DCC: variants seen among roughly 807,000 people sequenced by gnomAD.
DCC encodes netrin receptor DCC.
Under a neutral mutation model 172.5 loss-of-function variants are expected in DCC, and 58 were observed. That is an observed-to-expected ratio of 0.34 (90% confidence interval 0.27 to 0.42). The LOEUF (loss-of-function observed/expected upper bound fraction) is 0.42. DCC is among the 10% of genes least tolerant of loss of function. The pLI, the probability that DCC is intolerant of heterozygous loss-of-function variation, is 1.00. For synonymous variants in DCC, 709 were observed against 644.5 expected (o/e 1.10, Z -1.52); for missense variants, 1,740 against 1,791.0 (o/e 0.97, Z 0.51).
intron 9 of DCC, among the ~76,000 whole-genome samples, chr18:53,195,217 A>G (rs1458411974): frequency 6.6e-6 from 1 of 152,202 alleles, no homozygotes; most frequent in African/African-American, 2.4e-5. Flanking sequence ...AAAAAGCACT[A>G]GTTATCTTAG....
intron 1 of DCC, among the ~76,000 whole-genome samples, chr18:52,408,138 T>C (rs1203505116): frequency 1.3e-5 from 2 of 152,078 alleles, no homozygotes; most frequent in Non-Finnish European, 2.9e-5. Context: ...AAAAACTTCT[T>C]GGGACTTACT....
chr18:52,727,218 C>A (rs2036565166), intron 1 of DCC, among the ~76,000 whole-genome samples: 1 of 152,146 alleles, frequency 6.6e-6, no homozygotes, highest in African/African-American at 2.4e-5. Context: ...CAGGTGATGT[C>A]TTTCAGCCAT....
At chr18:53,485,653 A>C (rs2045892001) in intron 25 of DCC, among the ~76,000 whole-genome samples, 1 of 152,078 alleles carries the variant, frequency 6.6e-6, no homozygotes. Flanking sequence ...TGAAAAATAA[A>C]TTCTGGTATA....
At chr18:52,838,583 T>A (rs543922048) in intron 2 of DCC, among the ~76,000 whole-genome samples, 1 of 152,116 alleles carries the variant, frequency 6.6e-6, no homozygotes, top group Admixed American at 6.5e-5. Context: ...TTTTAAATCA[T>A]CAAGTAATAA....
At chr18:52,521,917 A>T (rs1284497212) in intron 1 of DCC, among the ~76,000 whole-genome samples, 1 of 152,170 alleles carries the variant, frequency 6.6e-6, no homozygotes, top group Non-Finnish European at 1.5e-5. Flanking sequence ...ATTTGTTGGA[A>T]GGATTAATGA....
intron 26 of DCC, among the ~76,000 whole-genome samples, chr18:53,489,021 T>C (rs1279963413): frequency 2.0e-5 from 3 of 150,906 alleles, no homozygotes; most frequent in African/African-American, 7.3e-5. Context: ...TTGCTGGGCA[T>C]GGTGGCATGC....
Position 52,497,280 on chromosome 18 carries a change from A to AT in DCC, c.91+156402_91+156403insT, listed in dbSNP as rs1307784228. On this transcript the variant is annotated intron_variant, in intron 1 of 28. Transcript: ENST00000442544. ...TGTATCAAAAAAAAAAAAAAAAAAA[A>AT]ATATATATATATATATATATATATA... is the stretch of plus-strand genomic sequence containing the variant. 8.3e-4 allele frequency among the ~76,000 whole-genome samples: 18 copies of AT among 21,570 alleles called. 2 individuals are homozygous for AT. The highest frequency in any genetic ancestry group is 2.4e-3 in the African/African-American group (18 of 7,392). 14.2% of individuals were successfully genotyped at this position (21,570 alleles called of 152,430 possible). A position where few individuals can be genotyped will look rare whatever the true frequency, so the allele number is the denominator to read the frequency against.
At chr18:53,104,633 T>G (rs1233675023) in intron 7 of DCC, among the ~76,000 whole-genome samples, 1 of 152,074 alleles carries the variant, frequency 6.6e-6, no homozygotes, top group Non-Finnish European at 1.5e-5. Context: ...TGCAATTGTT[T>G]ATCACTGGAA....
chr18:52,714,360 T>G (rs1568058921), intron 1 of DCC, among the ~76,000 whole-genome samples: 1 of 152,196 alleles, frequency 6.6e-6, no homozygotes, highest in African/African-American at 2.4e-5. Flanking sequence ...AATGATCATA[T>G]AAAACTCAGC....
intron 1 of DCC, among the ~76,000 whole-genome samples, chr18:52,714,124 C>T (rs530320822): frequency 8.5e-5 from 13 of 152,258 alleles, no homozygotes; most frequent in African/African-American, 3.1e-4. Flanking sequence ...CTATCGCTAA[C>T]CTACTTACCA....
At chr18:53,119,365 C>G (rs886735184) in intron 7 of DCC, among the ~76,000 whole-genome samples, 4 of 151,720 alleles carry the variant, frequency 2.6e-5, no homozygotes, top group African/African-American at 9.7e-5. Context: ...TGTACTTAGC[C>G]TCCCTCAGAA....
chr18:53,171,285 C>A (rs895798789), intron 8 of DCC, among the ~76,000 whole-genome samples: 5 of 152,078 alleles, frequency 3.3e-5, no homozygotes, highest in African/African-American at 1.2e-4. Flanking sequence ...GGTTTAAAAC[C>A]ACTACGAGCC....
intron 1 of DCC, among the ~76,000 whole-genome samples, chr18:52,739,108 A>G (rs1301541162): frequency 6.6e-6 from 1 of 151,408 alleles, no homozygotes; most frequent in Non-Finnish European, 1.5e-5. Flanking sequence ...CTACTACATT[A>G]CAATGGCTGT....
intron 1 of DCC, among the ~76,000 whole-genome samples, chr18:52,731,718 T>C (rs2036645478): frequency 6.6e-6 from 1 of 152,172 alleles, no homozygotes; most frequent in Non-Finnish European, 1.5e-5. Flanking sequence ...TCTACCACAA[T>C]TATATGCATA....
At chr18:53,061,265 T>G (rs1357786062) in intron 5 of DCC, among the ~76,000 whole-genome samples, 3 of 152,056 alleles carry the variant, frequency 2.0e-5, no homozygotes, top group East Asian at 1.9e-4. Flanking sequence ...CAATATAAAT[T>G]TGGTGTTCTC....
At position 53,312,968 on chromosome 18, in the gene DCC, G is replaced by A. The variant is rs1282319996; in HGVS notation, c.2053+7249G>A. Among the ~76,000 whole-genome samples, 6 of 130,746 alleles carry A rather than the reference G, an allele frequency of 4.6e-5. No individual in the cohort carries two copies. The East Asian group carries it at 1.4e-3, about 30-fold the overall frequency. The allele number at this position is 130,746 out of a possible 152,430, so 85.8% of individuals were successfully genotyped here. A position where few individuals can be genotyped will look rare whatever the true frequency, so the allele number is the denominator to read the frequency against. ...AGGGGAGGGAAGGGAGGAGGGAGTGGGGAGAGGAAGGGAGGAGGGAGGGAG... is the reference window on the plus strand; with the variant it reads ...AGGGGAGGGAAGGGAGGAGGGAGTGAGGAGAGGAAGGGAGGAGGGAGGGAG... On this transcript the variant is annotated intron_variant, in intron 13 of 28. Coordinates refer to ENST00000442544, the MANE Select transcript of DCC (RefSeq NM_005215.4).
intron 15 of DCC, among the ~76,000 whole-genome samples, chr18:53,344,202 C>T (rs2057695490): frequency 6.6e-6 from 1 of 151,930 alleles, no homozygotes; most frequent in Non-Finnish European, 1.5e-5. Flanking sequence ...AATTTATTGA[C>T]ATATGAACTT....
At chr18:52,454,676 T>C (rs1988406771) in intron 1 of DCC, among the ~76,000 whole-genome samples, 1 of 152,328 alleles carries the variant, frequency 6.6e-6, no homozygotes, top group South Asian at 2.1e-4. Context: ...ATAATTACTT[T>C]TATACTTTAT....
intron 1 of DCC, among the ~76,000 whole-genome samples, chr18:52,738,383 G>A (rs2036761033): frequency 6.6e-6 from 1 of 152,080 alleles, no homozygotes; most frequent in South Asian, 2.1e-4. Context: ...CTACAAACCT[G>A]TACAGCATGT....
Sources: allele counts gnomAD v4.1 joint callset (sites outside exome capture counted in the v4.1 genomes callset), GRCh38; gene constraint gnomAD v4.1.1; transcripts MANE v1.5; gene names NCBI Gene and HGNC (gene_info 2026-07-23, HGNC 2026-07-21).